The following GDAP1 variants were observed in gnomAD, a reference collection of about 807,000 sequenced individuals.
GDAP1 encodes the protein ganglioside-induced differentiation-associated protein 1.
A neutral mutation model predicts 40.1 loss-of-function variants in GDAP1; 34 were observed. The ratio of observed to expected loss-of-function variants is 0.85; its 90% CI spans 0.64 to 1.13. The LOEUF (loss-of-function observed/expected upper bound fraction) is 1.13, where lower values mean the gene tolerates loss of function less well. Among genes scored for constraint, GDAP1 ranks in the 50% most tolerant of loss-of-function variants. GDAP1 has a pLI of 0.00. For synonymous variants in GDAP1, 170 were observed against 157.4 expected (o/e 1.08, Z -0.60); for missense variants, 374 against 433.7 (o/e 0.86, Z 1.22).
At position 74,363,979 on chromosome 8, in the gene GDAP1, A is replaced by G. The variant is rs1809496033; in HGVS notation, c.695-6A>G. 6.2e-7 allele frequency: 1 copy of G among 1,613,276 alleles called. No homozygotes were observed. Among genetic ancestry groups the G allele is most frequent in the Non-Finnish European group, 8.5e-7 (1 of 1,179,352 alleles). On this transcript the variant is annotated splice_region_variant and splice_polypyrimidine_tract_variant and intron_variant, in intron 5 of 5. Coordinates refer to ENST00000220822, the MANE Select transcript of GDAP1 (RefSeq NM_018972.4). ...TCTAATTCTCTATGTCCCTTTCTCT[A>G]ATTAGAAGAGGGCCAGCAACCTTGG...
At chr8:74,416,218 G>A (rs1805776777) in intron 2 of GDAP1, among the ~76,000 whole-genome samples, 1 of 149,878 alleles carries the variant, frequency 6.7e-6, no homozygotes, top group Non-Finnish European at 1.5e-5. Flanking sequence ...GCCCGACCCA[G>A]CCCCAACCTG....
At chr8:74,455,351 T>A (rs1227775356) in intron 2 of GDAP1, among the ~76,000 whole-genome samples, 1 of 151,886 alleles carries the variant, frequency 6.6e-6, no homozygotes, top group African/African-American at 2.4e-5. Context: ...ACTAAACCTT[T>A]ATCAGTTGTG....
intron 2 of GDAP1, among the ~76,000 whole-genome samples, chr8:74,397,089 C>A (rs2131546214): frequency 6.6e-6 from 1 of 152,196 alleles, no homozygotes; most frequent in South Asian, 2.1e-4. Flanking sequence ...TTTTGATTTG[C>A]ATTTCTCTGA....
At chr8:74,356,716 A>ATATATATATT (rs375377157) in intron 2 of GDAP1, among the ~76,000 whole-genome samples, 7 of 104,332 alleles carry the variant, frequency 6.7e-5, no homozygotes, top group South Asian at 3.1e-4. Flanking sequence ...ATATATATAT[A>ATATATATATT]TTTTTTTTTT....
At chr8:74,395,050 C>T (rs1810172755) in intron 2 of GDAP1, among the ~76,000 whole-genome samples, 1 of 152,132 alleles carries the variant, frequency 6.6e-6, no homozygotes, top group African/African-American at 2.4e-5. Context: ...TTCTCATGGG[C>T]ATTTTCTATA....
intron 2 of GDAP1, among the ~76,000 whole-genome samples, chr8:74,397,583 G>A (rs1378577816): frequency 2.0e-5 from 3 of 152,122 alleles, no homozygotes; most frequent in Non-Finnish European, 4.4e-5. Context: ...TGGCTAGCCA[G>A]TTTTCCCAGC....
At chr8:74,380,138 C>T (rs1369071190) in intron 2 of GDAP1, among the ~76,000 whole-genome samples, 2 of 152,006 alleles carry the variant, frequency 1.3e-5, no homozygotes, top group African/African-American at 4.8e-5. Flanking sequence ...CTGTGTGAAG[C>T]CAGCTGATGA....
At chr8:74,369,635 GCA>G (rs780355224), downstream of GDAP1, among the ~76,000 whole-genome samples, 2,295 of 81,364 alleles carry the variant, frequency 0.028, 55 homozygotes, top group African/African-American at 0.092. Flanking sequence ...GTGTGTGTGT[GCA>G]TATATATATA....
chr8:74,365,302 G>T lies in GDAP1; in HGVS notation c.*935G>T, dbSNP rs1809571746. ...TGTTTATGATCATCAACAAAGACTT[G>T]TTAGAAAGGTCTAGTCTTAGCACTT... On this transcript the variant is annotated 3_prime_UTR_variant, in exon 6 of 6. Coordinates refer to ENST00000220822, the MANE Select transcript of GDAP1 (RefSeq NM_018972.4). 1 of 453,958 alleles carries T rather than the reference G, an allele frequency of 2.2e-6. No homozygotes were observed. Among genetic ancestry groups the T allele is most frequent in the African/African-American group, 2.0e-5 (1 of 49,990 alleles). 28.1% of individuals were successfully genotyped at this position (453,958 alleles called of 1,614,324 possible).
intron 2 of GDAP1, among the ~76,000 whole-genome samples, chr8:74,482,743 T>C (rs916603044): frequency 1.3e-5 from 2 of 152,190 alleles, no homozygotes; most frequent in South Asian, 2.1e-4. Context: ...ACTGGATAAA[T>C]AGAAATATTT....
chr8:74,463,573 G>C (rs1446182947), intron 2 of GDAP1, among the ~76,000 whole-genome samples: 1 of 152,072 alleles, frequency 6.6e-6, no homozygotes, highest in South Asian at 2.1e-4. Flanking sequence ...GCTATGGAAA[G>C]TTTTAATAAA....
chr8:74,429,767 T>A (rs1057477446), intron 2 of GDAP1, among the ~76,000 whole-genome samples: 3 of 152,124 alleles, frequency 2.0e-5, no homozygotes, highest in African/African-American at 7.2e-5. Context: ...ACACATGAGT[T>A]TTGAGGGGAT....
At chr8:74,441,442 G>C (rs1806161638) in intron 2 of GDAP1, among the ~76,000 whole-genome samples, 1 of 152,098 alleles carries the variant, frequency 6.6e-6, no homozygotes, top group Non-Finnish European at 1.5e-5. Flanking sequence ...CCTAACCTTT[G>C]ACTGAGGGGA....
chr8:74,378,949 T>C (rs914677186), intron 2 of GDAP1, among the ~76,000 whole-genome samples: 1 of 152,178 alleles, frequency 6.6e-6, no homozygotes, highest in African/African-American at 2.4e-5. Flanking sequence ...TTAGGGCTAA[T>C]TGAGCAGGGA....
At chr8:74,448,171 C>T (rs569561526) in intron 2 of GDAP1, among the ~76,000 whole-genome samples, 2 of 152,266 alleles carry the variant, frequency 1.3e-5, no homozygotes, top group East Asian at 3.9e-4. Context: ...TCATTACCTT[C>T]CACAGGCAAG....
chr8:74,422,352 C>CTTTCTTTCTTTCTTT (rs1563465558), intron 2 of GDAP1, among the ~76,000 whole-genome samples: 1 of 34,222 alleles, frequency 2.9e-5, no homozygotes, highest in Non-Finnish European at 6.1e-5. Context: ...TTTCTTTCTT[C>CTTTCTTTCTTTCTTT]CCTTCCTTCC....
intron 2 of GDAP1, among the ~76,000 whole-genome samples, chr8:74,462,135 TAA>T (rs1806409583): frequency 6.6e-6 from 1 of 152,234 alleles, no homozygotes; most frequent in Admixed American, 6.5e-5. Flanking sequence ...CATAAAGATT[TAA>T]AAGAGTTAAG....
chr8:74,413,837 G>A lies in GDAP1; in HGVS notation c.165+62516G>A, dbSNP rs1013422515. On this transcript the variant is annotated intron_variant, in intron 2 of 2. Transcript: ENST00000523640. ...GCCCCCAGAGGATGGAAAGCACAGA[G>A]GTCTGGAAAAGGGAAGCACTAGAGA... is the stretch of plus-strand genomic sequence containing the variant. 1.3e-5 allele frequency among the ~76,000 whole-genome samples: 2 copies of A among 149,350 alleles called. 1 individual carries two copies. The highest frequency in any genetic ancestry group is 5.1e-5 in the African/African-American group (2 of 38,846).
chr8:74,450,367 T>C (rs956411297), intron 2 of GDAP1, among the ~76,000 whole-genome samples: 7 of 151,862 alleles, frequency 4.6e-5, no homozygotes, highest in African/African-American at 7.2e-5. Flanking sequence ...ATTTATAGTA[T>C]TGTTGAAGTG....
Sources: gnomAD v4.1 joint callset for allele counts (sites outside exome capture counted in the v4.1 genomes callset) on GRCh38, gnomAD v4.1.1 for gene constraint, MANE v1.5 for transcripts, NCBI Gene and HGNC (gene_info 2026-07-23, HGNC 2026-07-21) for gene names.